Variants in TOX observed in about 807,000 individuals in gnomAD.
TOX encodes the protein thymocyte selection-associated high mobility group box protein TOX.
Under a neutral mutation model 53.7 loss-of-function variants are expected in TOX, and 11 were observed. The observed-to-expected ratio is 0.20, with a 90% CI of 0.13 to 0.34. The LOEUF is 0.34. Among genes scored for constraint, TOX ranks in the 10% least tolerant of loss-of-function variants. The pLI is 1.00. For synonymous variants in TOX, 225 were observed against 245.3 expected (o/e 0.92, Z 0.77); for missense variants, 570 against 664.6 (o/e 0.86, Z 1.56).
At chr8:58,953,270 G>A (rs1027549386) in intron 2 of TOX, among the ~76,000 whole-genome samples, 2 of 152,140 alleles carry the variant, frequency 1.3e-5, no homozygotes, top group South Asian at 2.1e-4. Flanking sequence ...TATGGTGCCT[G>A]TATTCAGTAT....
At chr8:59,069,966 T>C (rs16924544) in intron 1 of TOX, among the ~76,000 whole-genome samples, 5,345 of 152,234 alleles carry the variant, frequency 0.035, 314 homozygotes, top group African/African-American at 0.12. Context: ...CTGACCTGTA[T>C]AGCGCCCGGT....
At chr8:58,966,327 C>A (rs925090908) in intron 1 of TOX, among the ~76,000 whole-genome samples, 1 of 152,088 alleles carries the variant, frequency 6.6e-6, no homozygotes, top group Non-Finnish European at 1.5e-5. Flanking sequence ...CTATCAACAC[C>A]CAAAGAAAAG....
intron 1 of TOX, among the ~76,000 whole-genome samples, chr8:59,086,921 A>G (rs563816376): frequency 2.2e-4 from 34 of 152,298 alleles, no homozygotes; most frequent in African/African-American, 6.5e-4. Context: ...ATTTAATCTA[A>G]TCTACTGATG....
chr8:59,098,661 C>A (rs1361653074), intron 1 of TOX, among the ~76,000 whole-genome samples: 1 of 152,168 alleles, frequency 6.6e-6, no homozygotes, highest in Non-Finnish European at 1.5e-5. Flanking sequence ...GTGAACAGGA[C>A]AGGAAACTGT....
At chr8:58,901,073 TATC>T (rs1173104516) in intron 3 of TOX, among the ~76,000 whole-genome samples, 1 of 152,154 alleles carries the variant, frequency 6.6e-6, no homozygotes, top group African/African-American at 2.4e-5. Context: ...CAGAGTAGCT[TATC>T]AAATATTTTA....
At chr8:59,061,608 G>C (rs1156689132) in intron 1 of TOX, among the ~76,000 whole-genome samples, 1 of 152,058 alleles carries the variant, frequency 6.6e-6, no homozygotes, top group Non-Finnish European at 1.5e-5. Context: ...CCATCTGGCT[G>C]TAAAGATCCT....
intron 3 of TOX, among the ~76,000 whole-genome samples, chr8:58,930,832 C>G (rs16924253): frequency 0.024 from 3,605 of 152,232 alleles, 166 homozygotes; most frequent in African/African-American, 0.083. Flanking sequence ...CAACACATTA[C>G]GAAACATTCT....
intron 3 of TOX, among the ~76,000 whole-genome samples, chr8:58,936,508 A>T (rs1812347309): frequency 2.6e-5 from 4 of 152,276 alleles, no homozygotes; most frequent in Middle Eastern, 6.8e-3. Context: ...CTTTTCAAAC[A>T]TTGAGACCAT....
intron 1 of TOX, among the ~76,000 whole-genome samples, chr8:59,062,015 A>T (rs1563433970): frequency 6.6e-6 from 1 of 152,194 alleles, no homozygotes; most frequent in Non-Finnish European, 1.5e-5. Context: ...TAAACATTCC[A>T]AGAAGAGGCT....
chr8:58,905,732 T>G (rs959065736), intron 3 of TOX, among the ~76,000 whole-genome samples: 3 of 152,264 alleles, frequency 2.0e-5, no homozygotes, highest in Admixed American at 1.3e-4. Flanking sequence ...CTTGCATTAT[T>G]CCTTTATACT....
chr8:58,950,193 G>A (rs989733618), intron 2 of TOX, among the ~76,000 whole-genome samples: 9 of 148,214 alleles, frequency 6.1e-5, no homozygotes, highest in African/African-American at 2.2e-4. Flanking sequence ...ACAATTACAT[G>A]TGTATAGTTC....
At chr8:58,897,673 G>A (rs1452444656) in intron 3 of TOX, among the ~76,000 whole-genome samples, 1 of 150,654 alleles carries the variant, frequency 6.6e-6, no homozygotes, top group Non-Finnish European at 1.5e-5. Context: ...ATAGATGGCT[G>A]TAGAAGTGGG....
chr8:58,985,598 C>T (rs769955217), intron 1 of TOX, among the ~76,000 whole-genome samples: 12 of 152,298 alleles, frequency 7.9e-5, no homozygotes, highest in East Asian at 3.9e-4. Context: ...ATATGTAATA[C>T]ACTGAATTGC....
chr8:59,075,777 G>A (rs1393587016), intron 1 of TOX, among the ~76,000 whole-genome samples: 1 of 152,086 alleles, frequency 6.6e-6, no homozygotes, highest in Non-Finnish European at 1.5e-5. Context: ...AGAAAGCAAG[G>A]AAGGTGGAGT....
chr8:59,088,164 C>T (rs779318286), intron 1 of TOX, among the ~76,000 whole-genome samples: 12 of 152,068 alleles, frequency 7.9e-5, no homozygotes, highest in African/African-American at 1.7e-4. Context: ...AGGAATAAGA[C>T]GTTAAGCAGA....
intron 3 of TOX, among the ~76,000 whole-genome samples, chr8:58,928,694 T>C (rs1354659557): frequency 1.3e-5 from 2 of 152,176 alleles, no homozygotes; most frequent in Non-Finnish European, 2.9e-5. Context: ...AATAATTTTG[T>C]CTCTTGATAG....
At chr8:58,928,968 T>C (rs1259844578) in intron 3 of TOX, among the ~76,000 whole-genome samples, 1 of 152,158 alleles carries the variant, frequency 6.6e-6, no homozygotes, top group African/African-American at 2.4e-5. Context: ...ATTATTAAGA[T>C]CATGATTAAA....
chr8:59,083,526 T>C (rs916455037), intron 1 of TOX, among the ~76,000 whole-genome samples: 3 of 152,156 alleles, frequency 2.0e-5, no homozygotes, highest in Admixed American at 6.5e-5. Context: ...TGAAATATAT[T>C]TATAATAAGA....
intron 1 of TOX, among the ~76,000 whole-genome samples, chr8:58,962,177 T>C (rs1024501142): frequency 6.6e-6 from 1 of 152,220 alleles, no homozygotes; most frequent in Non-Finnish European, 1.5e-5. Flanking sequence ...CTATCCAACA[T>C]GTACGCTAAT....
Sources: gnomAD v4.1 joint callset for allele counts (sites outside exome capture counted in the v4.1 genomes callset) on GRCh38, gnomAD v4.1.1 for gene constraint, MANE v1.5 for transcripts, NCBI Gene and HGNC (gene_info 2026-07-23, HGNC 2026-07-21) for gene names.